TMEM50B: variants seen among roughly 807,000 people sequenced by gnomAD.
TMEM50B encodes HCV p7-trans-regulated protein 3.
Under a neutral mutation model 23.4 loss-of-function variants are expected in TMEM50B, and 14 were observed. The observed-to-expected ratio is 0.60, with a 90% confidence interval of 0.39 to 0.93. TMEM50B has a LOEUF of 0.93. Among genes scored for constraint, TMEM50B ranks in the 40% least tolerant of loss-of-function variants. TMEM50B has a pLI of 0.00. For missense variants in TMEM50B, 159 were observed against 193.0 expected (o/e 0.82, Z 1.04); for synonymous variants, 64 against 62.3 (o/e 1.03, Z -0.13).
intron 1 of TMEM50B, among the ~76,000 whole-genome samples, chr21:33,472,702 C>T (rs2123457946): frequency 6.6e-6 from 1 of 151,872 alleles, no homozygotes; most frequent in East Asian, 1.9e-4. Context: ...CATGGTGAAA[C>T]CCCGTCACTA....
intron 1 of TMEM50B, among the ~76,000 whole-genome samples, chr21:33,478,390 C>T (rs1400026991): frequency 6.6e-6 from 1 of 152,010 alleles, no homozygotes. Flanking sequence ...TCCCTTTAAC[C>T]CTAGAGGTGC....
At chr21:33,445,224 T>A (rs1036542243), downstream of TMEM50B, among the ~76,000 whole-genome samples, 1 of 152,122 alleles carries the variant, frequency 6.6e-6, no homozygotes, top group Non-Finnish European at 1.5e-5. Context: ...GACCCAGCAC[T>A]CTCTACACTG....
downstream of TMEM50B, among the ~76,000 whole-genome samples, chr21:33,445,582 G>A (rs2084046295): frequency 2.6e-5 from 4 of 152,212 alleles, no homozygotes; most frequent in African/African-American, 9.6e-5. Flanking sequence ...ATCGCTTGAG[G>A]TTAGAAGTTC....
rs1432206309 is a variant in TMEM50B at position 33,468,810 on chromosome 21, C to A, written c.76G>T (p.Ala26Ser). Residue 26 changes from alanine (A) to serine (S), a missense_variant, in exon 2 of 7, where the codon GCA becomes TCA. By Grantham distance (99) the Ala-to-Ser change is moderately conservative. Transcript: ENST00000542230. ...IDWSERRNAV[A>S]SVVAGILFFT... ...ACCAATATACCTGCGACAACAGATG[C>A]CACAGCATTTCTTCTCTCACTCCAG... The A allele has an allele frequency of 6.2e-6, 10 of 1,613,762 alleles. No homozygotes were observed. In the African/African-American group the frequency reaches 1.3e-4, roughly 22 times the overall value.
intron 8 of TMEM50B, among the ~76,000 whole-genome samples, chr21:33,436,320 C>T (rs779053802): frequency 6.6e-6 from 1 of 151,348 alleles, no homozygotes; most frequent in Non-Finnish European, 1.5e-5. Flanking sequence ...CAACGTGAAA[C>T]TCCGTCTCAA....
At chr21:33,443,129 A>G (rs975335237) in intron 7 of TMEM50B, among the ~76,000 whole-genome samples, 1 of 152,174 alleles carries the variant, frequency 6.6e-6, no homozygotes, top group Non-Finnish European at 1.5e-5. Flanking sequence ...AGCCTAAGAG[A>G]GGGTCAAACC....
At position 33,457,053 on chromosome 21, in the gene TMEM50B, G is replaced by C. The variant is rs1460164353; in HGVS notation, c.374-1269C>G. ...GTAGATCACTTGAGGTCAGGAGTTT[G>C]AGACCAGCCTGGCCAACATGGGGAA... On this transcript the variant is annotated intron_variant, in intron 5 of 6. Coordinates refer to ENST00000542230, the MANE Select transcript of TMEM50B (RefSeq NM_006134.7). Among the ~76,000 whole-genome samples, 3 of 151,910 alleles carry C rather than the reference G, an allele frequency of 2.0e-5. No individual in the cohort carries two copies. The East Asian group carries it at 5.8e-4, about 30-fold the overall frequency.
chr21:33,461,933 A>T (rs2084220622), intron 4 of TMEM50B, among the ~76,000 whole-genome samples: 1 of 152,208 alleles, frequency 6.6e-6, no homozygotes, highest in Admixed American at 6.5e-5. Context: ...AGGGCATATT[A>T]ACAAAAAGAG....
At chr21:33,443,887 T>C (rs917015524) in intron 7 of TMEM50B, among the ~76,000 whole-genome samples, 5 of 94,468 alleles carry the variant, frequency 5.3e-5, no homozygotes, top group Admixed American at 1.0e-4. Flanking sequence ...CAGGAATTCT[T>C]TGTGGTTTTT....
chr21:33,466,340 C>T (rs895954749), intron 3 of TMEM50B, among the ~76,000 whole-genome samples: 9 of 151,996 alleles, frequency 5.9e-5, no homozygotes, highest in South Asian at 2.1e-4. Context: ...TAAAAGACAT[C>T]CATAAAAAGC....
In TMEM50B at chr21:33,465,376, A is replaced by C. The variant is rs1334438504; in HGVS notation, c.246T>G (p.Gly82=). 1.2e-6 allele frequency: 2 copies of C among 1,613,036 alleles called. No homozygotes were observed. The highest frequency in any genetic ancestry group is 1.7e-6 in the Non-Finnish European group (2 of 1,179,736). ...INAVSNAQVR[G]DSYESGCLGR... is the part of the protein sequence containing the mutation. ...CTAAACAGCCGCTTTCATAGCTATC[A>C]CCTCTCACCTGAGCATTGGATACAG... Residue 82 remains glycine, a synonymous_variant, in exon 4 of 7, where the codon GGT becomes GGG. Coordinates refer to ENST00000542230, the MANE Select transcript of TMEM50B (RefSeq NM_006134.7).
At chr21:33,440,890 TAATAA>T (rs901204436) in intron 7 of TMEM50B, among the ~76,000 whole-genome samples, 11 of 148,324 alleles carry the variant, frequency 7.4e-5, no homozygotes, top group Admixed American at 6.8e-4. Context: ...CAAAAAATAA[TAATAA>T]AATAAAATAA....
intron 2 of TMEM50B, among the ~76,000 whole-genome samples, chr21:33,467,539 G>A (rs1207887348): frequency 2.0e-5 from 3 of 152,166 alleles, no homozygotes; most frequent in Admixed American, 6.5e-5. Flanking sequence ...CAGGAGAATC[G>A]CTTAAACCCA....
chr21:33,436,958 T>C, intron 8 of TMEM50B: 1 of 1,613,990 alleles, frequency 6.2e-7, no homozygotes, highest in Non-Finnish European at 8.5e-7. Context: ...CTCCAAACGC[T>C]TTGAACCAAA....
intron 1 of TMEM50B, chr21:33,478,691 A>T: frequency 6.6e-6 from 3 of 454,936 alleles, no homozygotes; most frequent in South Asian, 4.8e-5. Context: ...AGCGCGATAA[A>T]TATTCAAGAT....
At chr21:33,457,616 A>C (rs2084181513) in intron 5 of TMEM50B, among the ~76,000 whole-genome samples, 1 of 148,080 alleles carries the variant, frequency 6.8e-6, no homozygotes, top group Non-Finnish European at 1.5e-5. Flanking sequence ...GTGCCATTGC[A>C]CTCCAGCCTG....
intron 8 of TMEM50B, among the ~76,000 whole-genome samples, chr21:33,438,736 T>C (rs1055740524): frequency 2.6e-5 from 4 of 151,178 alleles, no homozygotes; most frequent in Non-Finnish European, 5.9e-5. Flanking sequence ...AGTGGCTTTT[T>C]TTTTTTCTTT....
chr21:33,435,171 G>A (rs1247457545), intron 8 of TMEM50B, among the ~76,000 whole-genome samples: 3 of 152,154 alleles, frequency 2.0e-5, no homozygotes, highest in African/African-American at 2.4e-5. Context: ...TAAAGCCTGC[G>A]GGAGCAAAAG....
At chr21:33,455,285 G>A (rs958175619) in intron 6 of TMEM50B, among the ~76,000 whole-genome samples, 9 of 151,732 alleles carry the variant, frequency 5.9e-5, no homozygotes, top group African/African-American at 1.7e-4. Flanking sequence ...CAACCTCCTC[G>A]GCTCAAGCAA....
Sources: allele counts gnomAD v4.1 joint callset (sites outside exome capture counted in the v4.1 genomes callset), GRCh38; gene constraint gnomAD v4.1.1; transcripts MANE v1.5; gene names NCBI Gene and HGNC (gene_info 2026-07-23, HGNC 2026-07-21).